Variants in CEP250 observed in about 807,000 individuals in gnomAD.
The protein encoded by CEP250 is centrosomal protein 250.
In CEP250, 242 loss-of-function variants were observed where a neutral mutation model predicts 315.7. That is an observed-to-expected ratio of 0.77 (90% confidence interval 0.69 to 0.85). The LOEUF (loss-of-function observed/expected upper bound fraction) is 0.85. CEP250 is among the 40% of genes least tolerant of loss of function. CEP250 has a pLI of 0.00. For missense variants in CEP250, 2,515 were observed against 2,886.4 expected (o/e 0.87, Z 2.95); for synonymous variants, 1,088 against 1,175.0 (o/e 0.93, Z 1.51).
At position 35,489,741 on chromosome 20, in the gene CEP250, G is replaced by A. The variant is rs2063630223; in HGVS notation, c.2587-896G>A. Among the ~76,000 whole-genome samples the A allele has an allele frequency of 2.6e-5, 4 of 152,256 alleles. No individual in the cohort carries two copies. The South Asian group carries it at 8.3e-4, about 32-fold the overall frequency. ...ATCCTAATGCTCTTATATAATACAG[G>A]GAGACATCCTCACTGGGCCAGGCCT... On this transcript the variant is annotated intron_variant, in intron 20 of 34. Coordinates refer to ENST00000397527, the MANE Select transcript of CEP250 (RefSeq NM_007186.6).
chr20:35,475,629 A>G lies in CEP250; in HGVS notation c.1699A>G (p.Thr567Ala). The G allele has an allele frequency of 1.2e-6, 2 of 1,613,786 alleles. No homozygotes were observed. Among genetic ancestry groups the G allele is most frequent in the Non-Finnish European group, 1.7e-6 (2 of 1,180,004 alleles). Residue 567 changes from threonine to alanine, a missense_variant, in exon 15 of 35, where the codon ACC becomes GCC. Coordinates refer to ENST00000397527, the MANE Select transcript of CEP250 (RefSeq NM_007186.6). ...ACTGAGGCAAGAGCAAACGGAAGTG[A>G]CCGCAGCGCTGGCTAGGGTGCGTGG... is the stretch of plus-strand genomic sequence containing the variant. Reference protein sequence around the residue: ...ELLRQEQTEVTAALARAEQSI... With the variant: ...ELLRQEQTEVAAALARAEQSI...
rs149277986 is a variant in CEP250, at chr20:35,504,538, C to T, written c.6169C>T (p.Arg2057Trp). 3.7e-5 allele frequency: 59 copies of T among 1,613,914 alleles called. No individual in the cohort carries two copies. The highest frequency in any genetic ancestry group is 4.5e-5 in the East Asian group (2 of 44,888). Residue 2057 changes from arginine to tryptophan, a missense_variant, in exon 30 of 35, where the codon CGG (arginine) becomes TGG (tryptophan). Physicochemically the swap from Arg to Trp is moderately radical, Grantham distance 101. Transcript: ENST00000397527. ...TGAAGAGCTGAGACATCAGCAGGAACGGGAGCAGCTGCTGGAGAAGTCTCT... is the reference window on the plus strand; with the variant it reads ...TGAAGAGCTGAGACATCAGCAGGAATGGGAGCAGCTGCTGGAGAAGTCTCT... Reference protein sequence around the residue: ...RDEELRHQQEREQLLEKSLAQ... With the variant: ...RDEELRHQQEWEQLLEKSLAQ...
chr20:35,507,828 G>A lies in CEP250; in HGVS notation c.6727G>A (p.Glu2243Lys), dbSNP rs766398608. Residue 2243 changes from glutamate to lysine, a missense_variant, in exon 31 of 35, where the codon GAG becomes AAG. By Grantham distance (56) the Glu-to-Lys change is moderately conservative. Transcript: ENST00000397527. ...CACAGCAGAACTGGGGTCCAGAGGG[G>A]AGCAGGGTGTGCAGCTGGGAGAGGT... The part of the protein sequence containing the change: ...TSTAELGSRG[E>K]QGVQLGEVSG... 2.5e-6 allele frequency: 4 copies of A among 1,594,374 alleles called. No individual in the cohort carries two copies. The highest frequency in any genetic ancestry group is 2.3e-5 in the East Asian group (1 of 43,824).
chr20:35,505,135 C>A, intron 30 of CEP250, 130 bp downstream of exon 30: 1 of 724,942 alleles, frequency 1.4e-6, no homozygotes, highest in Non-Finnish European at 2.2e-6. Flanking sequence ...AGCACCTCAA[C>A]ATCGGTGGGA....
intron 11 of CEP250, 85 bp from the exon 12 acceptor site, chr20:35,472,588 G>T (rs1191441956): frequency 2.2e-6 from 3 of 1,376,250 alleles, no homozygotes; most frequent in Non-Finnish European, 3.0e-6. Context: ...AAAACATCAG[G>T]TTTGTCCAGG....
Position 35,499,464 on chromosome 20 carries a change from C to A in CEP250, c.3778-585C>A, listed in dbSNP as rs149232724. Reference sequence around the variant, plus strand: ...GTCTGAAAGAGCTCATAAATTCCACCTCACAGTGAACCTATCAGTCAATAC... The same window carrying A: ...GTCTGAAAGAGCTCATAAATTCCACATCACAGTGAACCTATCAGTCAATAC... On this transcript the variant is annotated intron_variant, in intron 27 of 34. Coordinates refer to ENST00000397527, the MANE Select transcript of CEP250 (RefSeq NM_007186.6). 3.1e-3 allele frequency among the ~76,000 whole-genome samples: 466 copies of A among 152,246 alleles called. 3 individuals carry two copies. The highest frequency in any genetic ancestry group is 5.2e-3 in the Non-Finnish European group (355 of 68,006).
chr20:35,489,060 C>A (rs1161257497), intron 20 of CEP250, among the ~76,000 whole-genome samples: 2 of 151,902 alleles, frequency 1.3e-5, no homozygotes, highest in African/African-American at 2.4e-5. Context: ...TGGTGGCGGG[C>A]GCCTGTAATC....
At chr20:35,476,221 A>G in intron 15 of CEP250, 1 of 409,538 alleles carries the variant, frequency 2.4e-6, no homozygotes, top group Non-Finnish European at 4.4e-6. Context: ...CTGTGGCATC[A>G]TTACAATCAT....
At chr20:35,477,170 C>G (rs1408855384) in intron 16 of CEP250, among the ~76,000 whole-genome samples, 1 of 152,110 alleles carries the variant, frequency 6.6e-6, no homozygotes, top group Non-Finnish European at 1.5e-5. Flanking sequence ...ACCACCATGC[C>G]TGGCTAATTT....
Position 35,459,094 on chromosome 20 carries a change from G to A in CEP250, c.-227+720G>A, listed in dbSNP as rs550983196. Among the ~76,000 whole-genome samples, 19 of 143,244 alleles carry A rather than the reference G, an allele frequency of 1.3e-4. No homozygotes were observed. In the East Asian group the frequency reaches 3.6e-3, roughly 27 times the overall value. 94.0% of individuals were successfully genotyped at this position (143,244 alleles called of 152,430 possible). A position where few individuals can be genotyped will look rare whatever the true frequency, so the allele number is the denominator to read the frequency against. On this transcript the variant is annotated intron_variant, in intron 2 of 34. Coordinates refer to ENST00000397527, the MANE Select transcript of CEP250 (RefSeq NM_007186.6). ...GATCCGCCTGCCTCAGCCTCCCAAA[G>A]TGCTGGGATTACAGGTGTGAGCCAC...
chr20:35,486,120 T>C (rs1219225333), intron 20 of CEP250, among the ~76,000 whole-genome samples: 1 of 150,624 alleles, frequency 6.6e-6, no homozygotes, highest in Non-Finnish European at 1.5e-5. Flanking sequence ...GTTCAAGCAA[T>C]TCTCGTGCTT....
chr20:35,499,911 G>T, intron 27 of CEP250, 138 bp from the exon 28 acceptor site: 1 of 1,040,890 alleles, frequency 9.6e-7, no homozygotes, highest in Non-Finnish European at 1.4e-6. Context: ...TGTGTTTAAA[G>T]GAAGTAACCC....
chr20:35,504,772 G>A lies in CEP250; in HGVS notation c.6403G>A (p.Glu2135Lys). 6.2e-7 allele frequency: 1 copy of A among 1,614,220 alleles called. No homozygotes were observed. The highest frequency in any genetic ancestry group is 8.5e-7 in the Non-Finnish European group (1 of 1,180,038). ...CCACAGCCACAAAACCTCCCCAATG[G>A]AGGAACAATCTCTAAAACTTGATTC... is the stretch of plus-strand genomic sequence containing the variant. ...LPHSHKTSPM[E>K]EQSLKLDSLE... Residue 2135 changes from glutamate (E) to lysine (K), a missense_variant, in exon 30 of 35, where the codon GAG becomes AAG. Transcript: ENST00000397527.
chr20:35,495,779 C>CA (rs980362046), intron 24 of CEP250, among the ~76,000 whole-genome samples: 1 of 151,932 alleles, frequency 6.6e-6, no homozygotes, highest in African/African-American at 2.4e-5. Context: ...AAAAAAAAGA[C>CA]ACAGTTTGAG....
intron 5 of CEP250, among the ~76,000 whole-genome samples, 188 bp downstream of exon 5, chr20:35,463,819 C>T (rs1178359693): frequency 6.6e-6 from 1 of 152,226 alleles, no homozygotes; most frequent in African/African-American, 2.4e-5. Context: ...CAGATTCCAA[C>T]CCTTGGTTTT....
rs766164215 is a variant in CEP250 at position 35,491,363 on chromosome 20, C to T, written c.2889+17C>T. 39 of 1,575,288 alleles carry T rather than the reference C, an allele frequency of 2.5e-5. No homozygotes were observed. Among genetic ancestry groups the T allele is most frequent in the Admixed American group, 5.5e-5 (3 of 54,100 alleles). ...AAGGAGCAGGTATGGAGGGTGGTCT[C>T]GGGAGTAGGGGAGAAAGGGGCACTC... On this transcript the variant is annotated intron_variant, in intron 22 of 34. Coordinates refer to ENST00000397527, the MANE Select transcript of CEP250 (RefSeq NM_007186.6).
intron 20 of CEP250, among the ~76,000 whole-genome samples, chr20:35,486,498 C>G (rs1254760524): frequency 6.6e-6 from 1 of 152,190 alleles, no homozygotes; most frequent in African/African-American, 2.4e-5. Context: ...CTGCCACAGC[C>G]TCCCAAACTG....
chr20:35,510,341 A>G (rs1041476608), intron 34 of CEP250, among the ~76,000 whole-genome samples: 5 of 152,202 alleles, frequency 3.3e-5, no homozygotes, highest in African/African-American at 7.2e-5. Context: ...GAGCAAGGGA[A>G]GCCATCCTGG....
chr20:35,518,753 G>A lies in CEP250; in HGVS notation c.*7127G>A, dbSNP rs2064454744. 6.6e-6 allele frequency: 1 copy of A among 152,196 alleles called. No homozygotes were observed. The highest frequency in any genetic ancestry group is 6.6e-5 in the Admixed American group (1 of 15,264). The allele number at this position is 152,196 out of a possible 1,614,324, so 9.4% of individuals were successfully genotyped here. On this transcript the variant is annotated 3_prime_UTR_variant, in exon 35 of 35. Transcript: ENST00000397527. ...GTATTTAGAAGACAAAAATCAGGCTGAGTGCAGTGGCTCACGCCTGTAATC... is the reference window on the plus strand; with the variant it reads ...GTATTTAGAAGACAAAAATCAGGCTAAGTGCAGTGGCTCACGCCTGTAATC...
Sources: allele counts gnomAD v4.1 joint callset (sites outside exome capture counted in the v4.1 genomes callset), GRCh38; gene constraint gnomAD v4.1.1; transcripts MANE v1.5; gene names NCBI Gene and HGNC (gene_info 2026-07-23, HGNC 2026-07-21).